Variants in THAP2 observed in about 807,000 individuals in gnomAD.
The protein encoded by THAP2 is THAP domain-containing protein 2.
A neutral mutation model predicts 18.8 loss-of-function variants in THAP2; 16 were observed. That is an observed-to-expected ratio of 0.85 (90% CI 0.58 to 1.29). THAP2 has a LOEUF of 1.29. THAP2 is among the 50% of genes most tolerant of loss of function. THAP2 has a pLI of 0.00. For missense variants in THAP2, 251 were observed against 265.3 expected, an observed-to-expected ratio of 0.95 and a Z score of 0.38; for synonymous variants, 80 against 89.2, an observed-to-expected ratio of 0.90 and a Z score of 0.58.
At chr12:71,674,043 C>G (rs535082219) in intron 1 of THAP2, among the ~76,000 whole-genome samples, 160 bp from the exon 2 acceptor site, 13 of 152,154 alleles carry the variant, frequency 8.5e-5, no homozygotes, top group Admixed American at 2.0e-4. Flanking sequence ...TAAAACATTA[C>G]CATGAATTGG....
At chr12:71,676,628 T>A in intron 2 of THAP2, 61 bp from the exon 3 acceptor site, 1 of 1,506,422 alleles carries the variant, frequency 6.6e-7, no homozygotes, top group East Asian at 2.3e-5. Flanking sequence ...AACTGGACAC[T>A]ATGTGCTTAT....
rs910646898 is a variant in THAP2, at chr12:71,679,454, T to C, written c.*2346T>C. ...ATGCTGCTTTCAGTTTGATAGTTTT[T>C]TTTTTAATCACTCTGACCATAAACT... On this transcript the variant is annotated 3_prime_UTR_variant, in exon 3 of 3. Transcript: ENST00000308086. 3.3e-5 allele frequency: 5 copies of C among 152,166 alleles called. No homozygotes were observed. Among genetic ancestry groups the C allele is most frequent in the African/African-American group, 1.2e-4 (5 of 41,448 alleles). The allele number at this position is 152,166 out of a possible 1,614,324, so 9.4% of individuals were successfully genotyped here.
At chr12:71,668,850 G>C (rs1335489328) in intron 1 of THAP2, among the ~76,000 whole-genome samples, 1 of 152,112 alleles carries the variant, frequency 6.6e-6, no homozygotes, top group African/African-American at 2.4e-5. Flanking sequence ...TAATTTTATT[G>C]TATTTATGTG....
chr12:71,674,164 T>C (rs1881484826), intron 1 of THAP2, 39 bp from the exon 2 acceptor site: 2 of 1,527,322 alleles, frequency 1.3e-6, no homozygotes, highest in Admixed American at 2.2e-5. Context: ...GCCAGAATTA[T>C]GATAGTTGGA....
chr12:71,669,752 T>A (rs949413778), intron 1 of THAP2, among the ~76,000 whole-genome samples: 1 of 151,802 alleles, frequency 6.6e-6, no homozygotes, highest in African/African-American at 2.4e-5. Flanking sequence ...GGTCAAGAGT[T>A]CAAGACCAGC....
At chr12:71,667,788 C>T (rs546523050) in intron 1 of THAP2, 9 of 152,106 alleles carry the variant, frequency 5.9e-5, no homozygotes, top group Non-Finnish European at 1.5e-5. Context: ...AATACTACTA[C>T]CAAGTCTAGT....
intron 1 of THAP2, chr12:71,664,893 C>G (rs961628780): frequency 1.4e-6 from 1 of 702,134 alleles, no homozygotes; most frequent in Non-Finnish European, 2.6e-6. Context: ...TGAATGACGC[C>G]GTAAGGGAGA....
In THAP2 at chr12:71,674,406, A is replaced by C. The variant is rs1881491619; in HGVS notation, c.267+8A>C. 1 of 1,569,080 alleles carries C rather than the reference A, an allele frequency of 6.4e-7. No individual in the cohort carries two copies. Among genetic ancestry groups the C allele is most frequent in the Non-Finnish European group, 8.7e-7 (1 of 1,153,068 alleles). On this transcript the variant is annotated splice_region_variant and intron_variant, in intron 2 of 2. Coordinates refer to ENST00000308086, the MANE Select transcript of THAP2 (RefSeq NM_031435.4). ...ACCCATATAAAGTCTATGGTAGGTA[A>C]TGTTACTCTCCTTTTGTTAAAACCA...
chr12:71,664,711 T>A, intron 1 of THAP2, 131 bp downstream of exon 1: 1 of 1,016,972 alleles, frequency 9.8e-7, no homozygotes, highest in Non-Finnish European at 1.5e-6. Context: ...GCATCGTATG[T>A]CCTTTGTGTT....
intron 1 of THAP2, among the ~76,000 whole-genome samples, chr12:71,669,174 A>G (rs560290377): frequency 3.9e-5 from 6 of 152,330 alleles, no homozygotes; most frequent in African/African-American, 1.4e-4. Flanking sequence ...GCAGTGAAAA[A>G]CACAGCTCCT....
intron 1 of THAP2, among the ~76,000 whole-genome samples, chr12:71,668,476 A>T (rs1050899759): frequency 2.6e-5 from 4 of 151,638 alleles, no homozygotes; most frequent in East Asian, 1.9e-4. Context: ...TGATAAAAGG[A>T]GACCTAAAAA....
chr12:71,676,644 A>G (rs1174563169), intron 2 of THAP2, 45 bp from the exon 3 acceptor site: 1 of 1,528,888 alleles, frequency 6.5e-7, no homozygotes, highest in African/African-American at 1.4e-5. Context: ...CTTATTTGTG[A>G]TATTTCATAA....
intron 1 of THAP2, chr12:71,665,871 A>G (rs914391959): frequency 1.3e-5 from 2 of 152,256 alleles, no homozygotes; most frequent in Non-Finnish European, 2.9e-5. Context: ...GTGCTGGTCA[A>G]GCATCATCGG....
chr12:71,665,238 CTG>C, intron 1 of THAP2: 1 of 371,736 alleles, frequency 2.7e-6, no homozygotes, highest in South Asian at 3.5e-5. Context: ...AACAGGTACT[CTG>C]TAAATGTTTA....
rs116397798 is a variant in THAP2 at position 71,677,178 on chromosome 12, T to A, written c.*70T>A. On this transcript the variant is annotated 3_prime_UTR_variant, in exon 3 of 3. Coordinates refer to ENST00000308086, the MANE Select transcript of THAP2 (RefSeq NM_031435.4). ...GAAGTAAAGATAATTATGGCACTTA[T>A]GCCAAAATTCATTATTTAATAAAGT... 2 of 1,328,928 alleles carry A rather than the reference T, an allele frequency of 1.5e-6. No homozygotes were observed. The highest frequency in any genetic ancestry group is 2.0e-6 in the Non-Finnish European group (2 of 1,012,258). The allele number at this position is 1,328,928 out of a possible 1,614,324, so 82.3% of individuals were successfully genotyped here.
At chr12:71,665,252 C>A in intron 1 of THAP2, 1 of 322,704 alleles carries the variant, frequency 3.1e-6, no homozygotes, top group Middle Eastern at 9.5e-4. Flanking sequence ...AAATGTTTAC[C>A]TTCTCTGCAA....
At chr12:71,673,041 GTACTACAGTTGGTTT>G (rs1205795373) in intron 1 of THAP2, among the ~76,000 whole-genome samples, 1 of 152,084 alleles carries the variant, frequency 6.6e-6, no homozygotes. Flanking sequence ...AGTACAGTAT[GTACTACAGTTGGTTT>G]TATGCAGTTA....
At chr12:71,675,247 T>C (rs986742492) in intron 2 of THAP2, among the ~76,000 whole-genome samples, 1 of 152,034 alleles carries the variant, frequency 6.6e-6, no homozygotes, top group Non-Finnish European at 1.5e-5. Context: ...TAAATGTATA[T>C]GAGTTATTAT....
At chr12:71,670,004 A>G (rs926593229) in intron 1 of THAP2, among the ~76,000 whole-genome samples, 2 of 151,916 alleles carry the variant, frequency 1.3e-5, no homozygotes, top group African/African-American at 2.4e-5. Context: ...GAAAAAATGC[A>G]TATGTGAATT....
Sources: allele counts gnomAD v4.1 joint callset (sites outside exome capture counted in the v4.1 genomes callset), GRCh38; gene constraint gnomAD v4.1.1; transcripts MANE v1.5; gene names NCBI Gene and HGNC (gene_info 2026-07-23, HGNC 2026-07-21).